The following ENTREP2 variants were observed in gnomAD, a reference collection of about 807,000 sequenced individuals.
ENTREP2 encodes the protein protein ENTREP2.
At chr15:29,445,878 C>G in the ENTREP2 span, among the ~76,000 whole-genome samples, 6 of 152,122 alleles carry the variant, frequency 3.9e-5, no homozygotes, top group Non-Finnish European at 7.3e-5. Context: ...GATGCGAATT[C>G]CAGGCAGACA....
chr15:29,502,600 C>T, the ENTREP2 span, among the ~76,000 whole-genome samples: 452 of 151,800 alleles, frequency 3.0e-3, no homozygotes, highest in Non-Finnish European at 5.0e-3. Flanking sequence ...TGAACCTCAT[C>T]GATATTTAAA....
At chr15:29,313,724 C>A in the ENTREP2 span, among the ~76,000 whole-genome samples, 23 of 152,118 alleles carry the variant, frequency 1.5e-4, no homozygotes, top group Middle Eastern at 3.2e-3. Context: ...CTCTGCAGCC[C>A]ACGGGTCAGG....
chr15:29,382,583 C>T, the ENTREP2 span, among the ~76,000 whole-genome samples: 1 of 152,148 alleles, frequency 6.6e-6, no homozygotes, highest in Non-Finnish European at 1.5e-5. Context: ...CTGCCCTTGA[C>T]CTTGCCTGGG....
chr15:29,571,110 G>T, the ENTREP2 span, among the ~76,000 whole-genome samples: 1 of 149,788 alleles, frequency 6.7e-6, no homozygotes, highest in East Asian at 2.0e-4. Flanking sequence ...CCCAGCTGGG[G>T]CGGGAGCGGG....
the ENTREP2 span, among the ~76,000 whole-genome samples, chr15:29,430,867 C>A: frequency 6.6e-6 from 1 of 152,116 alleles, no homozygotes; most frequent in African/African-American, 2.4e-5. Context: ...AGGCAGTGTC[C>A]AATGAAACTG....
At chr15:29,559,636 G>A in the ENTREP2 span, among the ~76,000 whole-genome samples, 8 of 152,102 alleles carry the variant, frequency 5.3e-5, no homozygotes, top group East Asian at 1.6e-3. Context: ...TGCCTTCATT[G>A]GCTCATAACT....
the ENTREP2 span, among the ~76,000 whole-genome samples, chr15:29,305,544 C>A: frequency 0.34 from 51,380 of 151,944 alleles, 8,969 homozygotes; most frequent in African/African-American, 0.43. Context: ...GAAGGCAGAG[C>A]TAACAGGTCT....
the ENTREP2 span, among the ~76,000 whole-genome samples, chr15:29,133,680 CTGTCG>C: frequency 6.6e-6 from 1 of 152,234 alleles, no homozygotes; most frequent in Non-Finnish European, 1.5e-5. Context: ...GCCCTGTAGC[CTGTCG>C]TGTGTGGGGG....
the ENTREP2 span, among the ~76,000 whole-genome samples, chr15:29,313,453 C>A: frequency 6.6e-6 from 1 of 152,198 alleles, no homozygotes; most frequent in Non-Finnish European, 1.5e-5. Context: ...AATACTCAAC[C>A]ATTCTGAAAG....
the ENTREP2 span, among the ~76,000 whole-genome samples, chr15:29,357,683 A>G: frequency 6.6e-6 from 1 of 151,796 alleles, no homozygotes; most frequent in African/African-American, 2.4e-5. Flanking sequence ...TAAAAAATAC[A>G]AAAAAATTAG....
chr15:29,664,135 G>A, the ENTREP2 span, among the ~76,000 whole-genome samples: 1 of 151,898 alleles, frequency 6.6e-6, no homozygotes, highest in East Asian at 1.9e-4. Context: ...GAATTCCTTT[G>A]TGCTATAAAC....
chr15:29,620,444 T>C, the ENTREP2 span, among the ~76,000 whole-genome samples: 1 of 151,948 alleles, frequency 6.6e-6, no homozygotes, highest in Admixed American at 6.6e-5. Context: ...CTGAGCAAGG[T>C]GGCTGCTGTT....
chr15:29,610,276 A>C, the ENTREP2 span: 2 of 150,698 alleles, frequency 1.3e-5, 1 homozygote, highest in East Asian at 4.1e-4. Context: ...GCACAGGGAG[A>C]ACAGCTGTCC....
chr15:29,474,701 T>C, the ENTREP2 span, among the ~76,000 whole-genome samples: 2 of 152,142 alleles, frequency 1.3e-5, no homozygotes, highest in Admixed American at 6.5e-5. Flanking sequence ...ATTATAGACA[T>C]GTACCACCAC....
At chr15:29,422,771 A>G in the ENTREP2 span, among the ~76,000 whole-genome samples, 2 of 152,216 alleles carry the variant, frequency 1.3e-5, no homozygotes, top group Non-Finnish European at 1.5e-5. Flanking sequence ...TGTGAAACTT[A>G]GGTAAGAGAG....
the ENTREP2 span, among the ~76,000 whole-genome samples, chr15:29,412,810 C>T: frequency 5.6e-4 from 85 of 151,958 alleles, no homozygotes; most frequent in Non-Finnish European, 1.1e-3. Context: ...TATTCTATTT[C>T]GTTAATTTCT....
chr15:29,660,501 C>T, the ENTREP2 span, among the ~76,000 whole-genome samples: 2 of 152,150 alleles, frequency 1.3e-5, no homozygotes, highest in African/African-American at 4.8e-5. Context: ...TACTGAGTCT[C>T]AGGTATTCTC....
At chr15:29,633,293 C>T in the ENTREP2 span, among the ~76,000 whole-genome samples, 6 of 152,086 alleles carry the variant, frequency 3.9e-5, no homozygotes, top group African/African-American at 1.2e-4. Flanking sequence ...TTTCCAAGGT[C>T]CCCGAGGCTT....
the ENTREP2 span, among the ~76,000 whole-genome samples, chr15:29,628,864 C>T: frequency 6.6e-6 from 1 of 152,256 alleles, no homozygotes; most frequent in Non-Finnish European, 1.5e-5. Context: ...ATTCTCCTGC[C>T]TCAGCCTCCC....
Sources: allele counts gnomAD v4.1 joint callset (sites outside exome capture counted in the v4.1 genomes callset), GRCh38; gene constraint gnomAD v4.1.1; transcripts MANE v1.5; gene names NCBI Gene and HGNC (gene_info 2026-07-23, HGNC 2026-07-21).